SAE1: variants seen among roughly 807,000 people sequenced by gnomAD.
The protein encoded by SAE1 is SUMO1 activating enzyme subunit 1.
A neutral mutation model predicts 40.6 loss-of-function variants in SAE1; 11 were observed. The observed-to-expected ratio is 0.27, with a 90% confidence interval of 0.17 to 0.45. The LOEUF (loss-of-function observed/expected upper bound fraction) is 0.45, where lower values mean the gene tolerates loss of function less well. Among genes scored for constraint, SAE1 ranks in the 20% least tolerant of loss-of-function variants. The pLI, the probability that SAE1 is intolerant of heterozygous loss-of-function variation, is 1.00. For synonymous variants in SAE1, 155 were observed against 154.3 expected (o/e 1.00, Z -0.03); for missense variants, 373 against 427.3 (o/e 0.87, Z 1.12).
chr19:47,186,065 C>T (rs978557924), intron 6 of SAE1, among the ~76,000 whole-genome samples: 4 of 151,310 alleles, frequency 2.6e-5, no homozygotes, highest in African/African-American at 9.7e-5. Flanking sequence ...CATGGTGAAA[C>T]CCCGTCTCTA....
intron 3 of SAE1, among the ~76,000 whole-genome samples, chr19:47,151,138 G>GTT (rs369125953): frequency 1.4e-5 from 2 of 144,558 alleles, no homozygotes. Flanking sequence ...GGGTTGGGTA[G>GTT]TTTTTTTTTT....
rs1335791266 is a variant in SAE1 at position 47,210,480 on chromosome 19, C to T, written c.*1229C>T. On this transcript the variant is annotated 3_prime_UTR_variant, in exon 9 of 9. Coordinates refer to ENST00000270225, the MANE Select transcript of SAE1 (RefSeq NM_005500.3). ...GTCAAAAGTGATGCTTCATATGCCC[C>T]AAGTGCCACAGCCGCTACGGGTCAG... 6.6e-6 allele frequency: 1 copy of T among 152,186 alleles called. No homozygotes were observed. Among genetic ancestry groups the T allele is most frequent in the East Asian group, 1.9e-4 (1 of 5,202 alleles). 9.4% of individuals were successfully genotyped at this position (152,186 alleles called of 1,614,324 possible).
At chr19:47,164,675 GTCTT>G (rs1408681633) in intron 5 of SAE1, among the ~76,000 whole-genome samples, 1 of 106,566 alleles carries the variant, frequency 9.4e-6, no homozygotes. Context: ...TTGAGACAGA[GTCTT>G]TCTCTGTCAC....
chr19:47,157,593 A>T (rs2058331919), intron 5 of SAE1, among the ~76,000 whole-genome samples: 1 of 151,904 alleles, frequency 6.6e-6, no homozygotes, highest in Non-Finnish European at 1.5e-5. Flanking sequence ...GGATCTGGAA[A>T]CCTCTTTTGG....
chr19:47,204,444 C>A (rs1322971923), intron 8 of SAE1, among the ~76,000 whole-genome samples: 1 of 150,514 alleles, frequency 6.6e-6, no homozygotes, highest in Non-Finnish European at 1.5e-5. Flanking sequence ...GTGATCTGCC[C>A]ACCTCAGCCT....
intron 5 of SAE1, among the ~76,000 whole-genome samples, chr19:47,155,760 T>C (rs1187395155): frequency 7.0e-6 from 1 of 143,018 alleles, no homozygotes; most frequent in Non-Finnish European, 1.5e-5. Context: ...TTTTTTTTTT[T>C]TTTTTTGAGA....
chr19:47,147,244 T>TA (rs2058260372), intron 2 of SAE1, among the ~76,000 whole-genome samples: 1 of 135,144 alleles, frequency 7.4e-6, no homozygotes, highest in Non-Finnish European at 1.6e-5. Context: ...GTCTCACTGT[T>TA]ACCCTTGCCG....
At position 47,150,331 on chromosome 19, in the gene SAE1, G is replaced by T. The variant is rs1369152127; in HGVS notation, c.340G>T (p.Asp114Tyr). 14 of 1,609,674 alleles carry T rather than the reference G, an allele frequency of 8.7e-6. No individual in the cohort carries two copies. Among genetic ancestry groups the T allele is most frequent in the Non-Finnish European group, 1.2e-5 (14 of 1,178,714 alleles). ...PMVDVKVDTEDIEKKPESFFT... is the reference protein window; with the variant it reads ...PMVDVKVDTEYIEKKPESFFT... ...GGTGGATGTGAAGGTGGACACTGAGGATATAGAGAAGAAACCAGAGTCATT... is the reference window on the plus strand; with the variant it reads ...GGTGGATGTGAAGGTGGACACTGAGTATATAGAGAAGAAACCAGAGTCATT... Residue 114 changes from aspartate (D) to tyrosine (Y), a missense_variant, in exon 3 of 9, where the codon GAT (aspartate) becomes TAT (tyrosine). Asp to Tyr is a radical substitution (Grantham distance 160). Coordinates refer to ENST00000270225, the MANE Select transcript of SAE1 (RefSeq NM_005500.3).
intron 1 of SAE1, among the ~76,000 whole-genome samples, chr19:47,135,961 G>A (rs1017582152): frequency 6.6e-5 from 10 of 151,876 alleles, no homozygotes; most frequent in Admixed American, 2.6e-4. Flanking sequence ...CCGCCACCAC[G>A]CCCGGCTAAT....
chr19:47,134,597 T>C (rs1043346642), intron 1 of SAE1, among the ~76,000 whole-genome samples: 3 of 151,652 alleles, frequency 2.0e-5, no homozygotes, highest in African/African-American at 7.3e-5. Context: ...GGAAGCTTGG[T>C]GTGTTCTGAG....
intron 2 of SAE1, among the ~76,000 whole-genome samples, chr19:47,148,824 G>A (rs1386189500): frequency 1.3e-5 from 2 of 152,046 alleles, no homozygotes; most frequent in Non-Finnish European, 2.9e-5. Context: ...ATGTTGGTCA[G>A]GCTGGTTTTG....
intron 1 of SAE1, among the ~76,000 whole-genome samples, chr19:47,139,580 GTGTA>G (rs1283482299): frequency 6.8e-6 from 1 of 146,292 alleles, no homozygotes; most frequent in East Asian, 2.0e-4. Context: ...TGCTGTGAAT[GTGTA>G]TCTTTTTTTT....
intron 4 of SAE1, among the ~76,000 whole-genome samples, chr19:47,154,056 G>T (rs1277557731): frequency 6.9e-6 from 1 of 144,172 alleles, no homozygotes; most frequent in Admixed American, 6.9e-5. Flanking sequence ...CTCCCAAAGT[G>T]CTGGGATTAC....
chr19:47,161,356 A>G (rs1395928584), intron 5 of SAE1, among the ~76,000 whole-genome samples: 2 of 152,152 alleles, frequency 1.3e-5, no homozygotes, highest in Non-Finnish European at 2.9e-5. Flanking sequence ...GAAGATATGC[A>G]GCATCAATGC....
intron 5 of SAE1, 56 bp downstream of exon 5, chr19:47,155,269 C>A: frequency 8.4e-7 from 1 of 1,196,300 alleles, no homozygotes; most frequent in Non-Finnish European, 1.2e-6. Flanking sequence ...AGGGGTCAGG[C>A]AATGACGATT....
intron 4 of SAE1, among the ~76,000 whole-genome samples, chr19:47,154,048 C>T (rs2058304667): frequency 1.3e-5 from 2 of 151,100 alleles, no homozygotes; most frequent in African/African-American, 4.9e-5. Flanking sequence ...ACCTCGGCCT[C>T]CCAAAGTGCT....
intron 6 of SAE1, among the ~76,000 whole-genome samples, chr19:47,183,342 C>G (rs1214646906): frequency 1.3e-5 from 2 of 152,076 alleles, no homozygotes; most frequent in Non-Finnish European, 2.9e-5. Flanking sequence ...TGTCCAGGGT[C>G]ATCACACGCA....
chr19:47,181,780 CTTTT>C (rs36107839), intron 6 of SAE1, among the ~76,000 whole-genome samples: 1 of 96,548 alleles, frequency 1.0e-5, no homozygotes, highest in Non-Finnish European at 1.9e-5. Flanking sequence ...CACCTGGCCT[CTTTT>C]TTTTTTTTTT....
chr19:47,133,401 A>G (rs2058159485), intron 1 of SAE1, among the ~76,000 whole-genome samples: 1 of 152,136 alleles, frequency 6.6e-6, no homozygotes, highest in Non-Finnish European at 1.5e-5. Flanking sequence ...AATCTTGAGT[A>G]TTTTTAGTAG....
Sources: allele counts gnomAD v4.1 joint callset (sites outside exome capture counted in the v4.1 genomes callset), GRCh38; gene constraint gnomAD v4.1.1; transcripts MANE v1.5; gene names NCBI Gene and HGNC (gene_info 2026-07-23, HGNC 2026-07-21).